PRKN: variants seen among roughly 807,000 people sequenced by gnomAD.
PRKN encodes the protein E3 ubiquitin-protein ligase parkin.
A neutral mutation model predicts 59.5 loss-of-function variants in PRKN; 56 were observed. The ratio of observed to expected loss-of-function variants is 0.94; its 90% CI spans 0.76 to 1.18. The LOEUF (loss-of-function observed/expected upper bound fraction) is 1.18, where lower values mean the gene tolerates loss of function less well. PRKN is among the 50% of genes most tolerant of loss of function. The pLI is 0.00. For synonymous variants in PRKN, 250 were observed against 222.1 expected (o/e 1.13, Z -1.12); for missense variants, 657 against 596.4 (o/e 1.10, Z -1.06).
chr6:162,663,924 A>G (rs1778995385), intron 1 of PRKN, among the ~76,000 whole-genome samples: 1 of 145,130 alleles, frequency 6.9e-6, no homozygotes, highest in East Asian at 2.0e-4. Flanking sequence ...TATTTCCTCT[A>G]AAAAAAAAAG....
Position 161,502,190 on chromosome 6 carries a change from C to G in PRKN, c.1083+46664G>C, listed in dbSNP as rs1397417562. 2.0e-5 allele frequency among the ~76,000 whole-genome samples: 3 copies of G among 152,184 alleles called. No individual in the cohort carries two copies. The stretch of plus-strand genomic sequence containing the variant: ...TGTCCATTTTGGGCCATGCACTGCA[C>G]ATGCTTATCATTAGTCAATTGATTA... On this transcript the variant is annotated intron_variant, in intron 9 of 11. Transcript: ENST00000366898. This position sits in a 1 kb window ranked among gnomAD's most constrained non-coding sequence, Gnocchi z 4.0.
At chr6:161,995,197 T>A (rs1716342043) in intron 5 of PRKN, among the ~76,000 whole-genome samples, 1 of 152,046 alleles carries the variant, frequency 6.6e-6, no homozygotes. Context: ...GAAAGGACAC[T>A]ACAATAAAAA....
intron 1 of PRKN, among the ~76,000 whole-genome samples, chr6:162,483,244 A>T (rs1469942055): frequency 3.9e-5 from 6 of 152,124 alleles, no homozygotes; most frequent in Non-Finnish European, 8.8e-5. Context: ...ATCTGATGAC[A>T]TGTGCAAGAA....
chr6:162,675,850 C>A (rs1779524625), intron 1 of PRKN, among the ~76,000 whole-genome samples: 1 of 152,052 alleles, frequency 6.6e-6, no homozygotes, highest in African/African-American at 2.4e-5. Flanking sequence ...AAAGGCAAAA[C>A]TGACCTAGCA....
intron 1 of PRKN, chr6:162,727,417 G>A: frequency 2.1e-6 from 1 of 478,788 alleles, no homozygotes; most frequent in Non-Finnish European, 3.7e-6. Flanking sequence ...CCCCGTCGAG[G>A]CGGTCTTCAT....
intron 2 of PRKN, among the ~76,000 whole-genome samples, chr6:162,437,036 G>A (rs571785710): frequency 1.1e-4 from 16 of 152,070 alleles, no homozygotes; most frequent in African/African-American, 3.6e-4. Context: ...AGCTTGCAGT[G>A]AGCAGGGATT....
chr6:161,568,789 T>C (rs1039997923), intron 8 of PRKN, among the ~76,000 whole-genome samples: 6 of 152,106 alleles, frequency 3.9e-5, no homozygotes, highest in African/African-American at 1.4e-4. Context: ...ATATAATATT[T>C]AGCACCCTGA....
chr6:161,784,326 C>A (rs1466150535), intron 7 of PRKN, among the ~76,000 whole-genome samples: 1 of 152,100 alleles, frequency 6.6e-6, no homozygotes, highest in Non-Finnish European at 1.5e-5. Context: ...CTTTTGTTCA[C>A]CAAAGGACGT....
intron 1 of PRKN, among the ~76,000 whole-genome samples, chr6:162,472,650 G>A (rs1791814621): frequency 8.0e-6 from 1 of 125,634 alleles, no homozygotes; most frequent in Admixed American, 8.4e-5. Context: ...ACCACGCCCG[G>A]CTAATTTTTT....
intron 7 of PRKN, among the ~76,000 whole-genome samples, chr6:161,722,009 T>C (rs1316378979): frequency 2.6e-5 from 4 of 152,140 alleles, no homozygotes; most frequent in South Asian, 2.1e-4. Flanking sequence ...AGGGAGGGAA[T>C]CCATTGAAAG....
chr6:161,828,093 A>G (rs1182159296), intron 6 of PRKN, among the ~76,000 whole-genome samples: 1 of 152,210 alleles, frequency 6.6e-6, no homozygotes, highest in African/African-American at 2.4e-5. Context: ...TTTGAAAATA[A>G]GAATCTGAAT....
chr6:162,294,767 A>AAGAAAAGAAT, intron 2 of PRKN, among the ~76,000 whole-genome samples: 1 of 152,194 alleles, frequency 6.6e-6, no homozygotes, highest in Admixed American at 6.5e-5. Context: ...ATACAATAAA[A>AAGAAAAGAAT]ACATAAAAGA....
At chr6:162,343,395 G>A (rs958021220) in intron 2 of PRKN, among the ~76,000 whole-genome samples, 3 of 152,136 alleles carry the variant, frequency 2.0e-5, no homozygotes, top group Non-Finnish European at 2.9e-5. Context: ...TAGCCATCCC[G>A]TGTGGTTGTT....
At chr6:161,717,610 G>A (rs1336503112) in intron 7 of PRKN, among the ~76,000 whole-genome samples, 3 of 152,144 alleles carry the variant, frequency 2.0e-5, no homozygotes, top group Non-Finnish European at 4.4e-5. Flanking sequence ...TTCCTAATTC[G>A]TGAATACTTT....
chr6:161,791,144 A>T (rs911299040), intron 6 of PRKN, among the ~76,000 whole-genome samples: 1 of 152,216 alleles, frequency 6.6e-6, no homozygotes, highest in Admixed American at 6.5e-5. Context: ...ATTAAAGGTT[A>T]AGTAAAGTTC....
At chr6:161,904,874 T>C in intron 6 of PRKN, among the ~76,000 whole-genome samples, 1 of 152,090 alleles carries the variant, frequency 6.6e-6, no homozygotes. Flanking sequence ...GGAGGTCTGA[T>C]GTGGGGGGAG....
At chr6:161,721,351 C>T (rs541092086) in intron 7 of PRKN, among the ~76,000 whole-genome samples, 40 of 152,148 alleles carry the variant, frequency 2.6e-4, no homozygotes, top group Admixed American at 5.9e-4. Flanking sequence ...CATTTAGGAC[C>T]GATGTGAGGG....
chr6:162,450,504 C>T (rs1428191413), intron 1 of PRKN, among the ~76,000 whole-genome samples: 2 of 151,892 alleles, frequency 1.3e-5, no homozygotes, highest in African/African-American at 2.4e-5. Flanking sequence ...CAGGCGCTAC[C>T]GCAGCCAGGT....
chr6:161,426,598 G>C (rs1583052143), intron 9 of PRKN, among the ~76,000 whole-genome samples: 1 of 145,096 alleles, frequency 6.9e-6, no homozygotes, highest in South Asian at 2.2e-4. Context: ...GCCTATTGTG[G>C]GACCTTGTGA....
Sources: gnomAD v4.1 joint callset for allele counts (sites outside exome capture counted in the v4.1 genomes callset) on GRCh38, gnomAD v4.1.1 for gene constraint, Gnocchi (gnomAD v3.1) non-coding constraint, MANE v1.5 for transcripts, NCBI Gene and HGNC (gene_info 2026-07-23, HGNC 2026-07-21) for gene names.